Variants in GRIN2B observed in about 807,000 individuals in gnomAD.
The protein encoded by GRIN2B is glutamate receptor ionotropic, NMDA 2B.
Under a neutral mutation model 114.5 loss-of-function variants are expected in GRIN2B, and 5 were observed. The ratio of observed to expected loss-of-function variants is 0.04; its 90% CI spans 0.02 to 0.09. GRIN2B has a LOEUF of 0.09. Ranked by LOEUF, GRIN2B falls within the 10% of genes least tolerant of loss-of-function variation. The pLI is 1.00. For missense variants in GRIN2B, 1,108 were observed against 1,943.5 expected (o/e 0.57, Z 8.08); for synonymous variants, 787 against 745.1 (o/e 1.06, Z -0.92).
intron 5 of GRIN2B, among the ~76,000 whole-genome samples, chr12:13,646,632 C>T (rs1591657082): frequency 6.6e-6 from 1 of 151,580 alleles, no homozygotes; most frequent in Non-Finnish European, 1.5e-5. Context: ...CTTCTTCTTC[C>T]TCTTCCTCTT....
chr12:13,801,975 G>A (rs1054497753), intron 3 of GRIN2B, among the ~76,000 whole-genome samples: 3 of 151,958 alleles, frequency 2.0e-5, no homozygotes, highest in African/African-American at 4.8e-5. Flanking sequence ...CCTTCCTTCT[G>A]TTTGTTTGGT....
At chr12:13,823,934 AATTAC>A (rs1163330302) in intron 3 of GRIN2B, among the ~76,000 whole-genome samples, 1 of 152,152 alleles carries the variant, frequency 6.6e-6, no homozygotes, top group Non-Finnish European at 1.5e-5. Flanking sequence ...TAATATAATG[AATTAC>A]ATTAATTTTC....
At chr12:13,965,312 G>C (rs1867771585) in intron 2 of GRIN2B, among the ~76,000 whole-genome samples, 1 of 152,044 alleles carries the variant, frequency 6.6e-6, no homozygotes, top group Admixed American at 6.6e-5. Flanking sequence ...GTAATTTCTA[G>C]CCATCATCTC....
At chr12:13,717,066 C>CGTGTGTGTGTGTGTGTGT (rs56360153) in intron 4 of GRIN2B, among the ~76,000 whole-genome samples, 3 of 145,922 alleles carry the variant, frequency 2.1e-5, no homozygotes, top group Admixed American at 6.9e-5. Context: ...ATGCCATACG[C>CGTGTGTGTGTGTGTGTGT]GTGTGTGTGT....
Position 13,548,755 on chromosome 12 carries a change from A to T in GRIN2B, c.*14028T>A, listed in dbSNP as rs1347853189. 1.3e-5 allele frequency: 2 copies of T among 151,540 alleles called. No homozygotes were observed. Among genetic ancestry groups the T allele is most frequent in the Non-Finnish European group, 2.9e-5 (2 of 67,860 alleles). 9.4% of individuals were successfully genotyped at this position (151,540 alleles called of 1,614,324 possible). ...GGACAAGGGAAAAATGAGATTTGTA[A>T]TAGGCTTGATTTTTTTTAGATTAAA... On this transcript the variant is annotated 3_prime_UTR_variant, in exon 14 of 14. Coordinates refer to ENST00000609686, the MANE Select transcript of GRIN2B (RefSeq NM_000834.5).
At chr12:13,972,575 G>T (rs1331384128) in intron 2 of GRIN2B, among the ~76,000 whole-genome samples, 2 of 152,194 alleles carry the variant, frequency 1.3e-5, no homozygotes, top group Non-Finnish European at 2.9e-5. Context: ...ACCACTGGCT[G>T]ATTTAGGGCC....
intron 2 of GRIN2B, among the ~76,000 whole-genome samples, chr12:13,900,475 C>CAA (rs967592378): frequency 7.3e-6 from 1 of 136,318 alleles, no homozygotes; most frequent in Admixed American, 7.2e-5. Context: ...AACTCCATCT[C>CAA]AAAAAAAAAA....
intron 3 of GRIN2B, among the ~76,000 whole-genome samples, chr12:13,772,857 C>G (rs1006551714): frequency 6.6e-6 from 1 of 152,126 alleles, no homozygotes; most frequent in African/African-American, 2.4e-5. Flanking sequence ...TGCTATTTCT[C>G]AGGATCAAAG....
At chr12:13,690,781 A>C (rs1444701370) in intron 4 of GRIN2B, among the ~76,000 whole-genome samples, 1 of 152,134 alleles carries the variant, frequency 6.6e-6, no homozygotes, top group Non-Finnish European at 1.5e-5. Context: ...AAATAAATAA[A>C]ATTTCTTGAT....
chr12:13,837,400 T>C (rs184735616), intron 3 of GRIN2B, among the ~76,000 whole-genome samples: 1 of 152,126 alleles, frequency 6.6e-6, no homozygotes, highest in African/African-American at 2.4e-5. Flanking sequence ...CCTCACAGGA[T>C]TGTTGGGAGG....
At chr12:13,671,983 A>G (rs1950026538) in intron 5 of GRIN2B, among the ~76,000 whole-genome samples, 1 of 152,288 alleles carries the variant, frequency 6.6e-6, no homozygotes, top group East Asian at 1.9e-4. Flanking sequence ...TGACGGGGTG[A>G]CTACCTCATC....
intron 4 of GRIN2B, among the ~76,000 whole-genome samples, chr12:13,694,656 CATATAT>C (rs67570541): frequency 0.015 from 1,095 of 71,180 alleles, 24 homozygotes; most frequent in African/African-American, 0.028. Flanking sequence ...AAGAAAATGT[CATATAT>C]ATATATATAT....
At chr12:13,685,844 C>G (rs1417265532) in intron 4 of GRIN2B, among the ~76,000 whole-genome samples, 1 of 152,092 alleles carries the variant, frequency 6.6e-6, no homozygotes. Context: ...GATTTGTTTG[C>G]AATAAGGAGT....
intron 2 of GRIN2B, among the ~76,000 whole-genome samples, chr12:13,976,114 T>G (rs1393282437): frequency 6.6e-6 from 1 of 152,246 alleles, no homozygotes; most frequent in Non-Finnish European, 1.5e-5. Context: ...AAAACCCACC[T>G]TCTCTGAGCT....
intron 4 of GRIN2B, among the ~76,000 whole-genome samples, chr12:13,729,788 T>C (rs565057324): frequency 9.1e-6 from 1 of 110,316 alleles, no homozygotes; most frequent in East Asian, 3.0e-4. Flanking sequence ...AAACCAGGAG[T>C]AGGGTGGGCG....
At chr12:13,605,969 T>C (rs1284020397) in intron 10 of GRIN2B, among the ~76,000 whole-genome samples, 1 of 152,126 alleles carries the variant, frequency 6.6e-6, no homozygotes, top group Non-Finnish European at 1.5e-5. Flanking sequence ...GCTATAACCA[T>C]GCATAGGACA....
intron 3 of GRIN2B, among the ~76,000 whole-genome samples, chr12:13,863,195 C>G (rs10845845): frequency 0.15 from 23,525 of 152,124 alleles, 2,317 homozygotes; most frequent in Middle Eastern, 0.22. Flanking sequence ...CCTATTTACT[C>G]CTGGAAGGCA....
intron 3 of GRIN2B, among the ~76,000 whole-genome samples, chr12:13,756,637 G>A (rs1863582042): frequency 6.6e-6 from 1 of 152,196 alleles, no homozygotes; most frequent in African/African-American, 2.4e-5. Flanking sequence ...AGATGTACAA[G>A]CTTGGGATGA....
intron 5 of GRIN2B, among the ~76,000 whole-genome samples, chr12:13,665,523 C>T (rs1232710533): frequency 1.3e-5 from 2 of 152,054 alleles, no homozygotes; most frequent in African/African-American, 2.4e-5. Context: ...TCTTATACTC[C>T]ATGTATTGAG....
Sources: gnomAD v4.1 joint callset for allele counts (sites outside exome capture counted in the v4.1 genomes callset) on GRCh38, gnomAD v4.1.1 for gene constraint, MANE v1.5 for transcripts, NCBI Gene and HGNC (gene_info 2026-07-23, HGNC 2026-07-21) for gene names.